The following OTOP3 variants were observed in gnomAD, a reference collection of about 807,000 sequenced individuals.
The protein encoded by OTOP3 is proton channel OTOP3.
Under a neutral mutation model 50.8 loss-of-function variants are expected in OTOP3, and 41 were observed. That is an observed-to-expected ratio of 0.81 (90% CI 0.63 to 1.05). The LOEUF is 1.05. Ranked by LOEUF, OTOP3 falls within the 50% of genes least tolerant of loss-of-function variation. The pLI is 0.00. For synonymous variants in OTOP3, 320 were observed against 324.4 expected (o/e 0.99, Z 0.14); for missense variants, 788 against 760.8 (o/e 1.04, Z -0.42).
upstream of OTOP3, chr17:74,935,860 C>T (rs936584905): frequency 6.5e-6 from 10 of 1,534,668 alleles, no homozygotes; most frequent in Non-Finnish European, 8.8e-6. Flanking sequence ...GCGTCGCGGG[C>T]ATCGGTCTCA....
At chr17:74,943,566 C>A (rs767519900) in intron 4 of OTOP3, 40 bp from the exon 5 acceptor site, 11 of 1,593,854 alleles carry the variant, frequency 6.9e-6, no homozygotes, top group African/African-American at 1.3e-5. Context: ...ACCTGGGGAG[C>A]CGGCCAGGGT....
chr17:74,939,962 G>A (rs1434355081), intron 1 of OTOP3, among the ~76,000 whole-genome samples: 1 of 151,926 alleles, frequency 6.6e-6, no homozygotes, highest in African/African-American at 2.4e-5. Flanking sequence ...AGCTTGGAGT[G>A]CAGTGGTCCA....
intron 1 of OTOP3, among the ~76,000 whole-genome samples, chr17:74,938,587 AG>A (rs1436574606): frequency 6.6e-6 from 1 of 152,046 alleles, no homozygotes; most frequent in Non-Finnish European, 1.5e-5. Context: ...GCCCAAGGAG[AG>A]GGGAGTAGGG....
intron 5 of OTOP3, among the ~76,000 whole-genome samples, chr17:74,946,301 C>T (rs971523058): frequency 2.0e-5 from 3 of 152,092 alleles, no homozygotes; most frequent in African/African-American, 4.8e-5. Context: ...TTAGTAGAGA[C>T]GAGGTCTCAC....
chr17:74,940,065 A>C (rs1313038565), intron 1 of OTOP3, among the ~76,000 whole-genome samples: 2 of 148,112 alleles, frequency 1.4e-5, no homozygotes, highest in Non-Finnish European at 3.0e-5. Context: ...TTAAACCATC[A>C]TACCTGGCTA....
intron 6 of OTOP3, 127 bp downstream of exon 6, chr17:74,947,602 C>T (rs1205587605): frequency 2.1e-6 from 2 of 945,566 alleles, no homozygotes; most frequent in Non-Finnish European, 3.1e-6. Flanking sequence ...TGAGAGTGTC[C>T]CCCCAGTTCC....
At chr17:74,947,508 G>C in intron 6 of OTOP3, 33 bp downstream of exon 6, 3 of 1,535,382 alleles carry the variant, frequency 2.0e-6, no homozygotes, top group Non-Finnish European at 1.8e-6. Context: ...CTGGAGGGTA[G>C]AGGTGGCCAG....
Position 74,936,961 on chromosome 17 carries a change from C to CCCTT in OTOP3, c.19+1021_19+1022insCCTT, listed in dbSNP as rs1555629576. 9.9e-5 allele frequency among the ~76,000 whole-genome samples: 10 copies of CCCTT among 101,302 alleles called. 1 individual carries two copies. Among genetic ancestry groups the CCCTT allele is most frequent in the South Asian group, 3.6e-4 (1 of 2,806 alleles). 66.5% of individuals were successfully genotyped at this position (101,302 alleles called of 152,430 possible). On this transcript the variant is annotated intron_variant, in intron 1 of 6. Coordinates refer to ENST00000328801, the MANE Select transcript of OTOP3 (RefSeq NM_001272005.2). ...ATTCGGCATTCATCACCCCCCCACC[C>CCCTT]TTTTTTTTTTTTTTTTTTTGAGACA...
At chr17:74,938,363 C>T (rs1311223162) in intron 1 of OTOP3, among the ~76,000 whole-genome samples, 1 of 152,014 alleles carries the variant, frequency 6.6e-6, no homozygotes, top group Non-Finnish European at 1.5e-5. Flanking sequence ...CAGAGCAAAG[C>T]ACAGCTAATG....
Position 74,947,205 on chromosome 17 carries a change from C to T in OTOP3, c.1296C>T (p.Ile432=), listed in dbSNP as rs772760045. 20 of 1,614,016 alleles carry T rather than the reference C, an allele frequency of 1.2e-5. No individual in the cohort carries two copies. Among genetic ancestry groups the T allele is most frequent in the Non-Finnish European group, 1.5e-5 (18 of 1,180,022 alleles). Residue 432 remains isoleucine (I), a synonymous_variant, in exon 6 of 7, where the codon ATC becomes ATT. Transcript: ENST00000328801. ...CGCATGAGCTGCTCAACCGCCTCAT[C>T]CTGGCCTACTCGCTGCTGCTCATCC... is the stretch of plus-strand genomic sequence containing the variant. ...KRPHELLNRL[I]LAYSLLLILQ...
At position 74,943,671 on chromosome 17, in the gene OTOP3, C is replaced by T. The variant is rs1477331260; in HGVS notation, c.698C>T (p.Ser233Phe). The change falls in exon 5 of 7, where the codon TCC becomes TTC. Residue 233 changes from serine (S) to phenylalanine (F), a missense_variant. Coordinates refer to ENST00000328801, the MANE Select transcript of OTOP3 (RefSeq NM_001272005.2). ...TGGGTTCTGGCCGTTACCAATGACT[C>T]CATGCACCGAGAGATCGAAGCTGAG... ...LLWVLAVTND[S>F]MHREIEAELG... 1 of 1,612,694 alleles carries T rather than the reference C, an allele frequency of 6.2e-7. No individual in the cohort carries two copies. The highest frequency in any genetic ancestry group is 8.5e-7 in the Non-Finnish European group (1 of 1,179,968).
chr17:74,940,447 C>A (rs1350035361), intron 1 of OTOP3, among the ~76,000 whole-genome samples: 1 of 152,180 alleles, frequency 6.6e-6, no homozygotes, highest in African/African-American at 2.4e-5. Flanking sequence ...TGGGTATAAT[C>A]TAGACCAGCA....
chr17:74,943,627 G>T lies in OTOP3; in HGVS notation c.654G>T (p.Leu218=). 1 of 1,613,682 alleles carries T rather than the reference G, an allele frequency of 6.2e-7. No homozygotes were observed. The highest frequency in any genetic ancestry group is 8.5e-7 in the Non-Finnish European group (1 of 1,179,962). ...CCAGGTGTGGCCTGATGCTGACCCT[G>T]GCCACAAACCTGCTGCTGTGGGTTC... ...NFTRCGLMLT[L]ATNLLLWVLA... The change falls in exon 5 of 7, where the codon CTG becomes CTT. Residue 218 remains leucine, a synonymous_variant. Transcript: ENST00000328801.
intron 3 of OTOP3, among the ~76,000 whole-genome samples, chr17:74,942,493 T>C (rs2039187415): frequency 6.6e-6 from 1 of 151,624 alleles, no homozygotes; most frequent in South Asian, 2.1e-4. Context: ...TAGCCGGGTG[T>C]GGTGGCGCAC....
At chr17:74,943,759 AACACACACACACACACACACACACAC>A in intron 5 of OTOP3, 35 bp downstream of exon 5, 1 of 981,722 alleles carries the variant, frequency 1.0e-6, no homozygotes, top group Non-Finnish European at 1.6e-6. Flanking sequence ...CTTGCCCTGA[AACACACACACACACACACACACACAC>A]ACACACACAT....
intron 1 of OTOP3, among the ~76,000 whole-genome samples, chr17:74,936,218 A>AGTGG (rs56299007): frequency 0.98 from 148,415 of 152,220 alleles, 72,338 homozygotes; most frequent in East Asian, 1. Context: ...CACAGCAGAA[A>AGTGG]GCGCGGAGGC....
intron 1 of OTOP3, among the ~76,000 whole-genome samples, chr17:74,937,625 G>C (rs1160213257): frequency 1.3e-5 from 2 of 152,170 alleles, no homozygotes; most frequent in Non-Finnish European, 2.9e-5. Context: ...AGCCAGCCCG[G>C]AAAGAGTTTA....
At chr17:74,938,764 G>T (rs2144778232) in intron 1 of OTOP3, among the ~76,000 whole-genome samples, 1 of 152,100 alleles carries the variant, frequency 6.6e-6, no homozygotes, top group East Asian at 1.9e-4. Context: ...TTTATACTGA[G>T]GGCAATTAGT....
At chr17:74,942,128 A>T (rs1450050044) in intron 3 of OTOP3, 91 bp downstream of exon 3, 1 of 1,461,482 alleles carries the variant, frequency 6.8e-7, no homozygotes, top group East Asian at 2.3e-5. Flanking sequence ...GCCTAGGAAC[A>T]GCCACACAGG....
Sources: gnomAD v4.1 joint callset for allele counts (sites outside exome capture counted in the v4.1 genomes callset) on GRCh38, gnomAD v4.1.1 for gene constraint, MANE v1.5 for transcripts, NCBI Gene and HGNC (gene_info 2026-07-23, HGNC 2026-07-21) for gene names.